The following SCFD1 variants were observed in gnomAD, a reference collection of about 807,000 sequenced individuals.
The protein encoded by SCFD1 is sec1 family domain-containing protein 1.
SCFD1 carries 37 observed loss-of-function variants against 103.2 expected under a neutral mutation model. The ratio of observed to expected loss-of-function variants is 0.36; its 90% CI spans 0.28 to 0.47. SCFD1 has a LOEUF of 0.47. Ranked by LOEUF, SCFD1 falls within the 20% of genes least tolerant of loss-of-function variation. The pLI is 1.00. For synonymous variants in SCFD1, 264 were observed against 245.0 expected, an observed-to-expected ratio of 1.08 and a Z score of -0.73; for missense variants, 639 against 761.2, an observed-to-expected ratio of 0.84 and a Z score of 1.89.
intron 23 of SCFD1, among the ~76,000 whole-genome samples, chr14:30,732,716 A>G (rs553852970): frequency 6.6e-6 from 1 of 152,366 alleles, no homozygotes; most frequent in African/African-American, 2.4e-5. Flanking sequence ...AGTCCACAAC[A>G]TAAGGGGCAA....
At chr14:30,626,939 G>A (rs1883522668) in intron 1 of SCFD1, among the ~76,000 whole-genome samples, 1 of 152,206 alleles carries the variant, frequency 6.6e-6, no homozygotes, top group South Asian at 2.1e-4. Context: ...TGAATATGCT[G>A]TAAGTTGATA....
chr14:30,650,333 C>A (rs1019199891), intron 8 of SCFD1, among the ~76,000 whole-genome samples: 1 of 152,162 alleles, frequency 6.6e-6, no homozygotes, highest in Non-Finnish European at 1.5e-5. Context: ...ATGAAAGGTT[C>A]TTCTTAGTGA....
intron 16 of SCFD1, among the ~76,000 whole-genome samples, chr14:30,700,669 A>G (rs1485682811): frequency 6.6e-6 from 1 of 152,168 alleles, no homozygotes; most frequent in Non-Finnish European, 1.5e-5. Flanking sequence ...GCAATACTCC[A>G]TCTCAAATAA....
At chr14:30,634,333 CT>C (rs1884489204) in intron 4 of SCFD1, among the ~76,000 whole-genome samples, 1 of 152,012 alleles carries the variant, frequency 6.6e-6, no homozygotes. Flanking sequence ...ATTCATATAA[CT>C]TTCATTACAG....
Position 30,700,241 on chromosome 14 carries a change from C to G in SCFD1, c.1393C>G (p.Gln465Glu), listed in dbSNP as rs774954315. ...GTTTCTTATCTATTATATAAGCACACAGCAAGCACCTTCTGAGGTATGTCC... is the reference window on the plus strand; with the variant it reads ...GTTTCTTATCTATTATATAAGCACAGAGCAAGCACCTTCTGAGGTATGTCC... Reference protein sequence around the residue: ...RLFLIYYISTQQAPSEADLEQ... With the variant: ...RLFLIYYISTEQAPSEADLEQ... Residue 465 changes from glutamine to glutamate, a missense_variant, in exon 16 of 25, where the codon CAG becomes GAG. By Grantham distance (29) the Gln-to-Glu change is conservative. Coordinates refer to ENST00000458591, the MANE Select transcript of SCFD1 (RefSeq NM_016106.4). 10 of 1,607,326 alleles carry G rather than the reference C, an allele frequency of 6.2e-6. No individual in the cohort carries two copies. The South Asian group carries it at 7.7e-5, about 12-fold the overall frequency.
intron 9 of SCFD1, among the ~76,000 whole-genome samples, chr14:30,651,559 C>T (rs1028594012): frequency 2.1e-5 from 3 of 142,510 alleles, no homozygotes; most frequent in African/African-American, 8.2e-5. Context: ...ATCAAATTCT[C>T]ACCTGATCTT....
At chr14:30,725,187 G>A (rs1235578229) in intron 23 of SCFD1, among the ~76,000 whole-genome samples, 1 of 151,960 alleles carries the variant, frequency 6.6e-6, no homozygotes, top group Non-Finnish European at 1.5e-5. Flanking sequence ...GATTCCATAT[G>A]AATTTTAAAA....
intron 15 of SCFD1, among the ~76,000 whole-genome samples, chr14:30,698,758 G>A (rs908474731): frequency 1.3e-5 from 2 of 152,180 alleles, no homozygotes; most frequent in Non-Finnish European, 2.9e-5. Context: ...GAAGGCCAAG[G>A]AAATGGGAAA....
At chr14:30,693,977 G>A (rs1890502996) in intron 14 of SCFD1, among the ~76,000 whole-genome samples, 1 of 151,948 alleles carries the variant, frequency 6.6e-6, no homozygotes, top group Non-Finnish European at 1.5e-5. Context: ...AATTAGGAAA[G>A]GTCTCACACA....
At chr14:30,725,167 G>A (rs922139762) in intron 23 of SCFD1, among the ~76,000 whole-genome samples, 3 of 151,922 alleles carry the variant, frequency 2.0e-5, no homozygotes, top group Non-Finnish European at 2.9e-5. Context: ...GGCTATTTTG[G>A]CTCTTTTTTG....
chr14:30,683,386 A>G, intron 14 of SCFD1: 1 of 539,636 alleles, frequency 1.9e-6, no homozygotes, highest in Admixed American at 2.3e-5. Flanking sequence ...AGGTCTTCAT[A>G]TATTGTGGCA....
At chr14:30,724,352 A>G (rs1006307514) in intron 23 of SCFD1, among the ~76,000 whole-genome samples, 1 of 145,660 alleles carries the variant, frequency 6.9e-6, no homozygotes, top group African/African-American at 2.6e-5. Flanking sequence ...TCCCAGATTC[A>G]AGCGATTCTC....
chr14:30,668,571 C>T (rs1888235843), intron 10 of SCFD1, among the ~76,000 whole-genome samples: 1 of 152,126 alleles, frequency 6.6e-6, no homozygotes, highest in Non-Finnish European at 1.5e-5. Flanking sequence ...AACTAAAGAG[C>T]TTCTGCACAG....
At chr14:30,650,526 T>A in intron 8 of SCFD1, 39 bp from the exon 9 acceptor site, 1 of 1,184,704 alleles carries the variant, frequency 8.4e-7, no homozygotes, top group Non-Finnish European at 1.3e-6. Flanking sequence ...TAAAGTTATA[T>A]GAAACTGTTA....
At chr14:30,664,654 T>C (rs1887765242) in intron 10 of SCFD1, among the ~76,000 whole-genome samples, 1 of 152,072 alleles carries the variant, frequency 6.6e-6, no homozygotes, top group Non-Finnish European at 1.5e-5. Context: ...TGAAAAAAGA[T>C]TAAAAGAATG....
intron 9 of SCFD1, 113 bp from the exon 10 acceptor site, chr14:30,653,376 A>G: frequency 1.5e-6 from 1 of 679,346 alleles, no homozygotes; most frequent in Admixed American, 2.7e-5. Flanking sequence ...AATTGTCAAT[A>G]TTAGCATACT....
At chr14:30,722,038 A>C in intron 22 of SCFD1, 121 bp downstream of exon 22, 1 of 651,994 alleles carries the variant, frequency 1.5e-6, no homozygotes, top group Admixed American at 3.1e-5. Flanking sequence ...TTGGCCTAGC[A>C]ATTATATTTT....
At chr14:30,633,449 C>A (rs544503918) in intron 3 of SCFD1, among the ~76,000 whole-genome samples, 3 of 151,950 alleles carry the variant, frequency 2.0e-5, no homozygotes, top group Non-Finnish European at 4.4e-5. Flanking sequence ...CATTTATATA[C>A]CTTTCATTTA....
chr14:30,735,609 A>C lies in SCFD1; in HGVS notation c.1929A>C (p.Ter643TyrextTer7). The change falls in exon 25 of 25, where the codon TAA (stop) becomes TAC (tyrosine). Residue 643 changes from the stop codon to tyrosine, a stop_lost. Coordinates refer to ENST00000458591, the MANE Select transcript of SCFD1 (RefSeq NM_016106.4). ...IKQLSQLGQK[*>Y] ...AGTTGTCACAACTTGGACAAAAGTA[A>C]CACAGAAGAACCTTACTATGATAAT... The C allele has an allele frequency of 2.5e-6, 4 of 1,591,122 alleles. No homozygotes were observed. Among genetic ancestry groups the C allele is most frequent in the Non-Finnish European group, 3.4e-6 (4 of 1,164,642 alleles).
Sources: allele counts gnomAD v4.1 joint callset (sites outside exome capture counted in the v4.1 genomes callset), GRCh38; gene constraint gnomAD v4.1.1; transcripts MANE v1.5; gene names NCBI Gene and HGNC (gene_info 2026-07-23, HGNC 2026-07-21).